NBAS: variants seen among roughly 807,000 people sequenced by gnomAD.
The protein encoded by NBAS is NBAS subunit of NRZ tethering complex.
In NBAS, 219 loss-of-function variants were observed where a neutral mutation model predicts 302.5. The ratio of observed to expected loss-of-function variants is 0.72; its 90% confidence interval spans 0.65 to 0.81. The LOEUF is 0.81. Ranked by LOEUF, NBAS falls within the 30% of genes least tolerant of loss-of-function variation. The probability of loss-of-function intolerance (pLI) is 0.00; values close to 1 mark genes in which losing one functional copy is unlikely to be tolerated. For synonymous variants in NBAS, 1,118 were observed against 1,021.6 expected, an observed-to-expected ratio of 1.09 and a Z score of -1.80; for missense variants, 2,932 against 2,841.6, an observed-to-expected ratio of 1.03 and a Z score of -0.72.
the NBAS span, among the ~76,000 whole-genome samples, chr2:14,843,395 T>C: frequency 2.0e-5 from 3 of 152,252 alleles, no homozygotes; most frequent in Admixed American, 2.0e-4. Context: ...GCAGACTACA[T>C]GATCTAATAC....
chr2:15,557,286 A>G (rs7425203), intron 2 of NBAS, among the ~76,000 whole-genome samples: 94,612 of 152,052 alleles, frequency 0.62, 30,323 homozygotes, highest in Non-Finnish European at 0.68. Context: ...ATAAAAAACA[A>G]TGCTTTCTAT....
intron 35 of NBAS, among the ~76,000 whole-genome samples, chr2:15,345,919 T>G (rs2148282260): frequency 6.6e-6 from 1 of 152,308 alleles, no homozygotes; most frequent in Non-Finnish European, 1.5e-5. Flanking sequence ...GATTTCCTAT[T>G]CAATAAATGG....
the NBAS span, among the ~76,000 whole-genome samples, chr2:14,978,616 A>G: frequency 1.3e-5 from 2 of 152,216 alleles, no homozygotes; most frequent in Non-Finnish European, 2.9e-5. Context: ...GAATGACATA[A>G]TCAGGTCCAC....
intron 45 of NBAS, among the ~76,000 whole-genome samples, chr2:15,236,071 T>C (rs1169776911): frequency 6.6e-6 from 1 of 152,170 alleles, no homozygotes; most frequent in Non-Finnish European, 1.5e-5. Flanking sequence ...GCTTTTGCTA[T>C]ATAAGGTGCC....
intron 12 of NBAS, among the ~76,000 whole-genome samples, chr2:15,486,631 T>TC (rs534656765): frequency 2.7e-4 from 41 of 152,074 alleles, no homozygotes; most frequent in Middle Eastern, 3.4e-3. Flanking sequence ...ATTTCTGAGG[T>TC]CCCCCCCTTT....
At chr2:15,094,864 G>T in the NBAS span, among the ~76,000 whole-genome samples, 1 of 152,190 alleles carries the variant, frequency 6.6e-6, no homozygotes, top group African/African-American at 2.4e-5. Flanking sequence ...CCCAGGCATA[G>T]GGAGATGAGG....
chr2:15,347,946 T>C (rs1025827613), intron 35 of NBAS, among the ~76,000 whole-genome samples: 42 of 152,320 alleles, frequency 2.8e-4, no homozygotes, highest in African/African-American at 9.9e-4. Context: ...AACAATTACA[T>C]CTTTATTTTG....
chr2:15,371,816 G>C (rs1674499340), intron 31 of NBAS, among the ~76,000 whole-genome samples: 1 of 152,056 alleles, frequency 6.6e-6, no homozygotes, highest in Non-Finnish European at 1.5e-5. Context: ...GAGGAGGGAG[G>C]GGAAGAATCT....
chr2:14,788,068 C>T, the NBAS span, among the ~76,000 whole-genome samples: 1 of 152,180 alleles, frequency 6.6e-6, no homozygotes, highest in Non-Finnish European at 1.5e-5. Flanking sequence ...TCATTTCATT[C>T]ATTTCATCTT....
chr2:15,344,386 C>A (rs1465281136), intron 35 of NBAS, among the ~76,000 whole-genome samples: 1 of 152,090 alleles, frequency 6.6e-6, no homozygotes, highest in Non-Finnish European at 1.5e-5. Context: ...ACACCTCTCA[C>A]AAATAAACAA....
At position 15,561,257 on chromosome 2, in the gene NBAS, C is replaced by G. The variant is rs1400591487; in HGVS notation, c.48G>C (p.Glu16Asp). The change falls in exon 1 of 52, where the codon GAG (glutamate) becomes GAC (aspartate). Residue 16 changes from glutamate to aspartate, a missense_variant. Transcript: ENST00000281513. ...SGPALSPGTA[E>D]GEEETILYDL... ...CATAGAGAATCGTCTCCTCCTCACC[C>G]TCTGCAGTGCCTGGACTCAAAGCCG... 1 of 1,614,028 alleles carries G rather than the reference C, an allele frequency of 6.2e-7. No homozygotes were observed. Among genetic ancestry groups the G allele is most frequent in the Non-Finnish European group, 8.5e-7 (1 of 1,180,050 alleles).
chr2:14,818,682 A>G, the NBAS span, among the ~76,000 whole-genome samples: 797 of 152,304 alleles, frequency 5.2e-3, 23 homozygotes, highest in Admixed American at 0.039. Context: ...GGTAAGTCCT[A>G]TGTGAAGGAC....
chr2:15,339,481 C>T (rs540630389), intron 35 of NBAS, among the ~76,000 whole-genome samples: 1 of 152,274 alleles, frequency 6.6e-6, no homozygotes, highest in Non-Finnish European at 1.5e-5. Flanking sequence ...TCTTACTTTC[C>T]TCATTTACTC....
At chr2:15,196,155 A>T (rs1018874549) in intron 48 of NBAS, among the ~76,000 whole-genome samples, 1 of 152,182 alleles carries the variant, frequency 6.6e-6, no homozygotes, top group African/African-American at 2.4e-5. Context: ...TCTGCCTTAC[A>T]TCCTTTGGAT....
At chr2:15,476,912 T>C (rs1680218104) in intron 13 of NBAS, among the ~76,000 whole-genome samples, 1 of 152,060 alleles carries the variant, frequency 6.6e-6, no homozygotes, top group Non-Finnish European at 1.5e-5. Flanking sequence ...AAGAGAGAGA[T>C]TTTAAATATG....
chr2:15,538,898 C>T (rs905409844), intron 7 of NBAS, among the ~76,000 whole-genome samples: 4 of 152,094 alleles, frequency 2.6e-5, no homozygotes, highest in Admixed American at 1.3e-4. Flanking sequence ...TGTAGGGTAA[C>T]GAATTCCAAC....
At chr2:14,924,388 C>A in the NBAS span, among the ~76,000 whole-genome samples, 2 of 152,224 alleles carry the variant, frequency 1.3e-5, no homozygotes, top group Non-Finnish European at 2.9e-5. Flanking sequence ...TATATTCCTT[C>A]TTCTACTAAT....
At chr2:14,918,339 T>C in the NBAS span, among the ~76,000 whole-genome samples, 2 of 146,002 alleles carry the variant, frequency 1.4e-5, no homozygotes, top group African/African-American at 5.0e-5. Flanking sequence ...AACAATGTAA[T>C]GGTGTTTTCA....
At chr2:15,239,373 G>A (rs1408297294) in intron 44 of NBAS, among the ~76,000 whole-genome samples, 1 of 130,522 alleles carries the variant, frequency 7.7e-6, no homozygotes, top group African/African-American at 2.7e-5. Flanking sequence ...TATTTTATGT[G>A]TGTGTGTATG....
Sources: allele counts gnomAD v4.1 joint callset (sites outside exome capture counted in the v4.1 genomes callset), GRCh38; gene constraint gnomAD v4.1.1; transcripts MANE v1.5; gene names NCBI Gene and HGNC (gene_info 2026-07-23, HGNC 2026-07-21).